Variants in KLHDC4 observed in about 807,000 individuals in gnomAD.
KLHDC4 encodes kelch domain-containing protein 4.
Under a neutral mutation model 62.4 loss-of-function variants are expected in KLHDC4, and 90 were observed. The ratio of observed to expected loss-of-function variants is 1.44; its 90% confidence interval spans 1.22 to 1.72. The LOEUF is 1.72. KLHDC4 is among the 40% of genes most tolerant of loss of function. KLHDC4 has a pLI of 0.00. For missense variants in KLHDC4, 1,025 were observed against 699.7 expected, an observed-to-expected ratio of 1.47 and a Z score of -5.25; for synonymous variants, 386 against 284.4, an observed-to-expected ratio of 1.36 and a Z score of -3.59.
At chr16:87,747,721 T>C (rs1418220448) in intron 5 of KLHDC4, 1 of 152,342 alleles carries the variant, frequency 6.6e-6, no homozygotes, top group African/African-American at 2.4e-5. Context: ...GGCAGAGCAG[T>C]GCAGCCAGCG....
In KLHDC4 at chr16:87,716,300, T is replaced by C. The variant is rs575054860; in HGVS notation, c.760-1727A>G. 5.9e-4 allele frequency among the ~76,000 whole-genome samples: 89 copies of C among 152,048 alleles called. 1 individual carries two copies. Among genetic ancestry groups the C allele is most frequent in the Admixed American group, 5.7e-3 (87 of 15,250 alleles). ...CGCTATGGTCTTGTAGATATTGACG[T>C]AGACTTTGGGTACACGCTATGGTCT... is the stretch of plus-strand genomic sequence containing the variant. On this transcript the variant is annotated intron_variant, in intron 7 of 11. Transcript: ENST00000270583.
chr16:87,703,457 A>G (rs1353699938), downstream of KLHDC4: 1 of 152,490 alleles, frequency 6.6e-6, no homozygotes, highest in Non-Finnish European at 1.5e-5. Flanking sequence ...AGGACACAAA[A>G]ATAACCAGAG....
intron 2 of KLHDC4, 34 bp from the exon 3 acceptor site, chr16:87,756,511 C>T: frequency 3.3e-6 from 5 of 1,519,010 alleles, no homozygotes; most frequent in Non-Finnish European, 4.6e-6. Context: ...TCAGCAAGAT[C>T]ACCCCCGATA....
rs749278156 is a variant in KLHDC4 at position 87,708,347 on chromosome 16, C to T, written c.*1+3G>A. 1.1e-5 allele frequency: 18 copies of T among 1,575,990 alleles called. No homozygotes were observed. The highest frequency in any genetic ancestry group is 2.3e-5 in the South Asian group (2 of 88,626). On this transcript the variant is annotated splice_donor_region_variant and intron_variant, in intron 11 of 11. Coordinates refer to ENST00000270583, the MANE Select transcript of KLHDC4 (RefSeq NM_017566.4). ...CGCCACCCGCCAGCCCGAGCCCGCT[C>T]ACCTCAGTCCTCCGCACCGCTCTCC...
At position 87,756,470 on chromosome 16, in the gene KLHDC4, C is replaced by T. The variant is rs754541735; in HGVS notation, c.199G>A (p.Ala67Thr). The T allele has an allele frequency of 3.7e-6, 6 of 1,613,278 alleles. No homozygotes were observed. Among genetic ancestry groups the T allele is most frequent in the Non-Finnish European group, 4.2e-6 (5 of 1,179,332 alleles). Residue 67 changes from alanine to threonine, a missense_variant, in exon 3 of 12, where the codon GCC (alanine) becomes ACC (threonine). Physicochemically the swap from Ala to Thr is moderately conservative, Grantham distance 58. Coordinates refer to ENST00000270583, the MANE Select transcript of KLHDC4 (RefSeq NM_017566.4). ...PCPPPSPRLN[A>T]SLSVHPEKDE... ...TTCTCAGGATGAACCGAGAGGGAGG[C>T]ATTTAACCTACAAGACACACAAGCG...
intron 5 of KLHDC4, chr16:87,742,976 G>C (rs2042459308): frequency 6.6e-6 from 1 of 152,332 alleles, no homozygotes; most frequent in Non-Finnish European, 1.5e-5. Context: ...GGAAAACTGT[G>C]AAACAGGAGC....
At chr16:87,704,732 C>G (rs1459686456), downstream of KLHDC4, among the ~76,000 whole-genome samples, 1 of 152,116 alleles carries the variant, frequency 6.6e-6, no homozygotes, top group Admixed American at 6.5e-5. Context: ...AATCAGATGT[C>G]AAACTGCAAT....
At chr16:87,706,503 A>G (rs2034747946), downstream of KLHDC4, among the ~76,000 whole-genome samples, 1 of 152,076 alleles carries the variant, frequency 6.6e-6, no homozygotes, top group Non-Finnish European at 1.5e-5. Context: ...CTGCAGCCTC[A>G]CTCCTGTCAG....
At chr16:87,728,678 A>C (rs1567721491) in intron 6 of KLHDC4, among the ~76,000 whole-genome samples, 1 of 152,194 alleles carries the variant, frequency 6.6e-6, no homozygotes, top group African/African-American at 2.4e-5. Context: ...GTTTTAAAAT[A>C]AATTTTAAGA....
At chr16:87,763,291 T>C (rs2046148572) in intron 1 of KLHDC4, among the ~76,000 whole-genome samples, 1 of 152,236 alleles carries the variant, frequency 6.6e-6, no homozygotes, top group Admixed American at 6.5e-5. Flanking sequence ...ACATATAGTA[T>C]TGTTTTACAT....
chr16:87,705,973 G>T (rs2034625390), downstream of KLHDC4, among the ~76,000 whole-genome samples: 1 of 152,200 alleles, frequency 6.6e-6, no homozygotes, highest in South Asian at 2.1e-4. Context: ...GCCCTGTGCG[G>T]GGTCGGTGCA....
intron 4 of KLHDC4, among the ~76,000 whole-genome samples, chr16:87,754,780 G>T (rs1022257671): frequency 6.6e-6 from 1 of 152,184 alleles, no homozygotes; most frequent in Non-Finnish European, 1.5e-5. Flanking sequence ...CTAAGTCAGT[G>T]CCACTTCTCT....
chr16:87,758,949 G>A (rs1367078185), intron 2 of KLHDC4, among the ~76,000 whole-genome samples: 2 of 152,126 alleles, frequency 1.3e-5, no homozygotes, highest in Admixed American at 6.5e-5. Flanking sequence ...GCCGAGGCGG[G>A]CGGATCACCT....
exon 1 of KLHDC4, chr16:87,702,515 G>A (rs921646405): frequency 1.1e-5 from 4 of 356,270 alleles, no homozygotes; most frequent in Admixed American, 3.8e-5. Context: ...TCCCAGGCAT[G>A]TCCGTGGCCT....
Position 87,726,896 on chromosome 16 carries a change from C to T in KLHDC4, c.628G>A (p.Ala210Thr). The change falls in exon 7 of 12, where the codon GCC (alanine) becomes ACC (threonine). Residue 210 changes from alanine (A) to threonine (T), a missense_variant. Transcript: ENST00000270583. The part of the protein sequence containing the change: ...RDYIYYNDVY[A>T]FNLDTFTWSK... ...CATGTGAAGGTGTCCAGATTAAAGGCATACACGTCGTTGTAGTAGATGTAA... is the reference window on the plus strand; with the variant it reads ...CATGTGAAGGTGTCCAGATTAAAGGTATACACGTCGTTGTAGTAGATGTAA... 6.2e-7 allele frequency: 1 copy of T among 1,613,950 alleles called. No homozygotes were observed. The highest frequency in any genetic ancestry group is 8.5e-7 in the Non-Finnish European group (1 of 1,179,944).
At chr16:87,731,443 G>C (rs913350883) in intron 5 of KLHDC4, among the ~76,000 whole-genome samples, 1 of 151,678 alleles carries the variant, frequency 6.6e-6, no homozygotes, top group African/African-American at 2.4e-5. Context: ...CAGAAAGTTC[G>C]TAAGATAGAA....
chr16:87,756,507 A>T, intron 2 of KLHDC4, 30 bp from the exon 3 acceptor site: 1 of 1,559,544 alleles, frequency 6.4e-7, no homozygotes. Context: ...CAGGTCAGCA[A>T]GATCACCCCC....
intron 4 of KLHDC4, 139 bp downstream of exon 4, chr16:87,755,055 T>G (rs1459444950): frequency 1.6e-5 from 9 of 565,370 alleles, no homozygotes; most frequent in Non-Finnish European, 2.9e-5. Context: ...GGAATCCAAG[T>G]GAGCAAACAG....
intron 2 of KLHDC4, among the ~76,000 whole-genome samples, chr16:87,761,696 A>C (rs1270865133): frequency 1.3e-5 from 2 of 152,216 alleles, no homozygotes; most frequent in Non-Finnish European, 2.9e-5. Flanking sequence ...CGTCACGACC[A>C]GTGGAGGAGC....
Sources: allele counts gnomAD v4.1 joint callset (sites outside exome capture counted in the v4.1 genomes callset), GRCh38; gene constraint gnomAD v4.1.1; transcripts MANE v1.5; gene names NCBI Gene and HGNC (gene_info 2026-07-23, HGNC 2026-07-21).